ZMAT4: variants seen among roughly 807,000 people sequenced by gnomAD.
ZMAT4 encodes the protein zinc finger matrin-type 4.
Under a neutral mutation model 28.7 loss-of-function variants are expected in ZMAT4, and 17 were observed. That is an observed-to-expected ratio of 0.59 (90% confidence interval 0.41 to 0.89). The LOEUF (loss-of-function observed/expected upper bound fraction) is 0.89. ZMAT4 is among the 40% of genes least tolerant of loss of function. The pLI is 0.00. For synonymous variants in ZMAT4, 117 were observed against 109.2 expected (o/e 1.07, Z -0.44); for missense variants, 240 against 283.8 (o/e 0.85, Z 1.11).
At chr8:40,620,435 C>A (rs536905031) in intron 5 of ZMAT4, among the ~76,000 whole-genome samples, 1 of 152,200 alleles carries the variant, frequency 6.6e-6, no homozygotes, top group Non-Finnish European at 1.5e-5. Context: ...AGCTAGTGAT[C>A]TGTTAACCTG....
chr8:40,684,774 G>A (rs934349996), intron 4 of ZMAT4, among the ~76,000 whole-genome samples: 2 of 152,194 alleles, frequency 1.3e-5, no homozygotes, highest in Non-Finnish European at 1.5e-5. Flanking sequence ...GGCAAAGAGG[G>A]TGGCCTTTTG....
At chr8:40,615,368 T>G (rs1014204214) in intron 5 of ZMAT4, among the ~76,000 whole-genome samples, 1 of 152,216 alleles carries the variant, frequency 6.6e-6, no homozygotes, top group Non-Finnish European at 1.5e-5. Flanking sequence ...ATTTTTTACC[T>G]CATTTCAACT....
Position 40,795,755 on chromosome 8 carries a change from G to A in ZMAT4, c.103-28025C>T, listed in dbSNP as rs75442433. 1.6e-3 allele frequency among the ~76,000 whole-genome samples: 236 copies of A among 152,204 alleles called. 4 individuals are homozygous for A. In the East Asian group the frequency reaches 0.034, roughly 22 times the overall value. On this transcript the variant is annotated intron_variant, in intron 2 of 6. Coordinates refer to ENST00000297737, the MANE Select transcript of ZMAT4 (RefSeq NM_024645.3). ...CCATACTTTATAATCAACATTTTCC[G>A]TTCTGCAAATTGCAAACCGATGACA...
intron 5 of ZMAT4, among the ~76,000 whole-genome samples, chr8:40,661,758 G>C (rs936460542): frequency 6.6e-6 from 1 of 152,126 alleles, no homozygotes; most frequent in African/African-American, 2.4e-5. Flanking sequence ...TAATGGATAC[G>C]TCTTCCTAGA....
At chr8:40,674,982 G>A (rs1242002490) in intron 4 of ZMAT4, 51 bp from the exon 5 acceptor site, 2 of 1,432,992 alleles carry the variant, frequency 1.4e-6, no homozygotes, top group Non-Finnish European at 1.9e-6. Flanking sequence ...CCAACACTGA[G>A]TCCACTCTTC....
At chr8:40,835,872 C>G (rs545076194) in intron 1 of ZMAT4, among the ~76,000 whole-genome samples, 2 of 152,310 alleles carry the variant, frequency 1.3e-5, no homozygotes, top group African/African-American at 4.8e-5. Context: ...CTGGGCTTCT[C>G]CAAGGAATTC....
At chr8:40,549,117 T>C (rs10095383) in intron 6 of ZMAT4, among the ~76,000 whole-genome samples, 16,990 of 152,044 alleles carry the variant, frequency 0.11, 2,947 homozygotes, top group African/African-American at 0.37. Flanking sequence ...TTTTGCCCCT[T>C]CTGCCATGTA....
rs887803080 is a variant in ZMAT4, at chr8:40,531,363, A to G, written c.*860T>C. On this transcript the variant is annotated 3_prime_UTR_variant, in exon 7 of 7. Coordinates refer to ENST00000297737, the MANE Select transcript of ZMAT4 (RefSeq NM_024645.3). ...CTTTCCAAACGATCAGTATCCCCCA[A>G]TTAAAGCCCACAGTTCAGGCCAAAC... is the stretch of plus-strand genomic sequence containing the variant. 2 of 151,844 alleles carry G rather than the reference A, an allele frequency of 1.3e-5. No individual in the cohort carries two copies. Among genetic ancestry groups the G allele is most frequent in the Admixed American group, 6.6e-5 (1 of 15,186 alleles). 9.4% of individuals were successfully genotyped at this position (151,844 alleles called of 1,614,324 possible). A position where few individuals can be genotyped will look rare whatever the true frequency, so the allele number is the denominator to read the frequency against.
intron 3 of ZMAT4, among the ~76,000 whole-genome samples, chr8:40,748,859 T>A (rs1812343356): frequency 6.6e-6 from 1 of 152,174 alleles, no homozygotes. Context: ...AGATATGGTT[T>A]GGTTGTGTCC....
At chr8:40,735,587 G>C (rs753477289) in intron 3 of ZMAT4, among the ~76,000 whole-genome samples, 29 of 152,260 alleles carry the variant, frequency 1.9e-4, no homozygotes, top group Admixed American at 1.3e-3. Context: ...CTGGTTTCAG[G>C]AATTTAACCC....
At chr8:40,793,285 C>A (rs1226486832) in intron 2 of ZMAT4, among the ~76,000 whole-genome samples, 1 of 152,096 alleles carries the variant, frequency 6.6e-6, no homozygotes, top group African/African-American at 2.4e-5. Flanking sequence ...AAACAAAAAA[C>A]AAACAAACAA....
At chr8:40,756,317 G>A (rs886992391) in intron 3 of ZMAT4, among the ~76,000 whole-genome samples, 4 of 151,130 alleles carry the variant, frequency 2.6e-5, no homozygotes, top group Non-Finnish European at 5.9e-5. Context: ...TGGCAGCCCC[G>A]GGCAGTGTAG....
chr8:40,789,091 G>C (rs527830554), intron 2 of ZMAT4, among the ~76,000 whole-genome samples: 1 of 150,898 alleles, frequency 6.6e-6, no homozygotes, highest in African/African-American at 2.4e-5. Context: ...AGGGAGGGAG[G>C]AGAGAGGGAA....
chr8:40,674,690 A>C lies in ZMAT4; in HGVS notation c.577+14T>G. ...GCCCAGTTTTGTGGCAGAAGTGAGA[A>C]GAGCTGCCCTTACCTCTCAGTTCCC... On this transcript the variant is annotated intron_variant, in intron 5 of 6. Transcript: ENST00000297737. 1.2e-6 allele frequency: 2 copies of C among 1,606,542 alleles called. No homozygotes were observed. Among genetic ancestry groups the C allele is most frequent in the Non-Finnish European group, 1.7e-6 (2 of 1,173,494 alleles).
At chr8:40,835,682 A>G (rs1284084039) in intron 1 of ZMAT4, among the ~76,000 whole-genome samples, 2 of 152,234 alleles carry the variant, frequency 1.3e-5, no homozygotes, top group Non-Finnish European at 2.9e-5. Flanking sequence ...TTCAGGGCCC[A>G]GGGAAGCAGA....
rs553744958 is a variant in ZMAT4, at chr8:40,632,989, C to T, written c.577+41715G>A. Among the ~76,000 whole-genome samples, 3 of 152,316 alleles carry T rather than the reference C, an allele frequency of 2.0e-5. No individual in the cohort carries two copies. The South Asian group carries it at 6.2e-4, about 32-fold the overall frequency. On this transcript the variant is annotated intron_variant, in intron 5 of 6. Transcript: ENST00000297737. ...ATGTCCCAGATACAGCAAGGACTCA[C>T]TGTCATGGACTTGTCCTCTTTTGCC...
chr8:40,793,047 T>G (rs923524341), intron 2 of ZMAT4, among the ~76,000 whole-genome samples: 1 of 151,992 alleles, frequency 6.6e-6, no homozygotes, highest in African/African-American at 2.4e-5. Flanking sequence ...TTGTCAACAC[T>G]CATCAAAGAT....
intron 5 of ZMAT4, among the ~76,000 whole-genome samples, chr8:40,605,493 G>T (rs1805550552): frequency 6.6e-6 from 1 of 152,174 alleles, no homozygotes; most frequent in African/African-American, 2.4e-5. Flanking sequence ...ATGGTTTTGA[G>T]AGTTCCTTTT....
intron 3 of ZMAT4, among the ~76,000 whole-genome samples, chr8:40,743,948 A>G (rs1317314811): frequency 1.3e-5 from 2 of 152,134 alleles, no homozygotes; most frequent in Admixed American, 6.5e-5. Context: ...AAGGAAGAGG[A>G]GAGCATATGT....
Sources: allele counts gnomAD v4.1 joint callset (sites outside exome capture counted in the v4.1 genomes callset), GRCh38; gene constraint gnomAD v4.1.1; transcripts MANE v1.5; gene names NCBI Gene and HGNC (gene_info 2026-07-23, HGNC 2026-07-21).